The following C2CD5 variants were observed in gnomAD, a reference collection of about 807,000 sequenced individuals.
C2CD5 encodes C2 calcium dependent domain containing 5.
In C2CD5, 109 loss-of-function variants were observed where a neutral mutation model predicts 130.3. The ratio of observed to expected loss-of-function variants is 0.84; its 90% CI spans 0.72 to 0.98. The LOEUF is 0.98. C2CD5 is among the 50% of genes least tolerant of loss of function. The pLI, the probability that C2CD5 is intolerant of heterozygous loss-of-function variation, is 0.00. For synonymous variants in C2CD5, 454 were observed against 429.2 expected, an observed-to-expected ratio of 1.06 and a Z score of -0.71; for missense variants, 996 against 1,261.8, an observed-to-expected ratio of 0.79 and a Z score of 3.19.
chr12:22,515,721 T>C (rs1261661675), intron 8 of C2CD5, among the ~76,000 whole-genome samples: 3 of 152,120 alleles, frequency 2.0e-5, no homozygotes, highest in Non-Finnish European at 4.4e-5. Flanking sequence ...TATATATTAA[T>C]ACTTTTCTTT....
intron 10 of C2CD5, among the ~76,000 whole-genome samples, chr12:22,500,530 T>G (rs1006085472): frequency 3.9e-5 from 6 of 152,188 alleles, no homozygotes; most frequent in Non-Finnish European, 7.3e-5. Flanking sequence ...TCAAGCCTTC[T>G]TCTTTAACTC....
intron 22 of C2CD5, among the ~76,000 whole-genome samples, chr12:22,460,886 T>A (rs561584051): frequency 7.0e-4 from 106 of 152,226 alleles, no homozygotes; most frequent in African/African-American, 2.5e-3. Context: ...GCCCACAGTT[T>A]TCATAAAGCA....
In C2CD5 at chr12:22,472,025, T is replaced by G; in HGVS notation, c.2210A>C (p.Asn737Thr). 1 of 1,608,186 alleles carries G rather than the reference T, an allele frequency of 6.2e-7. No individual in the cohort carries two copies. The highest frequency in any genetic ancestry group is 8.5e-7 in the Non-Finnish European group (1 of 1,175,886). Residue 737 changes from asparagine (N) to threonine (T), a missense_variant, in exon 19 of 27, where the codon AAC becomes ACC. Asn to Thr is a moderately conservative substitution (Grantham distance 65). This residue lies in a region of C2CD5 where 590 missense variants were observed against 631.4 expected (regional missense o/e 0.93). Transcript: ENST00000446597. ...CTTATTGAGAGCTTGATTAGTCAGG[T>G]TGAGGCTGCTTAATCTGATTACTCT... ...SVRVIRLSSL[N>T]LTNQALNKNF...
intron 3 of C2CD5, among the ~76,000 whole-genome samples, chr12:22,528,411 T>C (rs1950920817): frequency 6.6e-6 from 1 of 152,198 alleles, no homozygotes; most frequent in South Asian, 2.1e-4. Flanking sequence ...TTTTATTTAG[T>C]CATTATCGAG....
chr12:22,532,245 G>A (rs1951350882), intron 3 of C2CD5, among the ~76,000 whole-genome samples: 4 of 151,460 alleles, frequency 2.6e-5, no homozygotes, highest in African/African-American at 7.3e-5. Flanking sequence ...CAGGAGAATC[G>A]CTTGAACCTG....
At chr12:22,500,957 T>C (rs1465427828) in intron 10 of C2CD5, among the ~76,000 whole-genome samples, 1 of 152,190 alleles carries the variant, frequency 6.6e-6, no homozygotes, top group Admixed American at 6.5e-5. Flanking sequence ...CCTAACATGG[T>C]TAGTTCTTGA....
At chr12:22,482,782 AC>A in intron 13 of C2CD5, 39 bp from the exon 14 acceptor site, 1 of 1,481,704 alleles carries the variant, frequency 6.7e-7, no homozygotes, top group Non-Finnish European at 9.3e-7. Context: ...TATTCTTGGT[AC>A]CACCTTTAAA....
chr12:22,527,581 G>A (rs936062306), intron 4 of C2CD5, 140 bp downstream of exon 4: 3 of 473,120 alleles, frequency 6.3e-6, no homozygotes, highest in Middle Eastern at 5.8e-4. Flanking sequence ...GCCTCCCAAA[G>A]TGCTGGGATT....
chr12:22,499,517 T>C (rs938883847), intron 10 of C2CD5, among the ~76,000 whole-genome samples: 1 of 152,198 alleles, frequency 6.6e-6, no homozygotes, highest in African/African-American at 2.4e-5. Flanking sequence ...GTACGTGGCA[T>C]GTAATAAGTT....
intron 3 of C2CD5, among the ~76,000 whole-genome samples, chr12:22,528,858 A>G (rs924790444): frequency 3.3e-5 from 5 of 152,114 alleles, no homozygotes; most frequent in African/African-American, 9.7e-5. Flanking sequence ...CCTATCCCCT[A>G]TTTAATTTAT....
At chr12:22,486,031 T>C (rs1945449881) in intron 12 of C2CD5, among the ~76,000 whole-genome samples, 1 of 152,140 alleles carries the variant, frequency 6.6e-6, no homozygotes, top group African/African-American at 2.4e-5. Context: ...AAAGTTATTA[T>C]ACTTAAGTCC....
chr12:22,485,783 C>T (rs1310580407), intron 12 of C2CD5, among the ~76,000 whole-genome samples: 1 of 151,928 alleles, frequency 6.6e-6, no homozygotes. Context: ...TAGTGGTATA[C>T]ATAAGGCATA....
At chr12:22,514,656 G>A (rs547744319) in intron 8 of C2CD5, among the ~76,000 whole-genome samples, 1 of 152,182 alleles carries the variant, frequency 6.6e-6, no homozygotes, top group South Asian at 2.1e-4. Context: ...CAATGTGAAT[G>A]GAGTTGGTAT....
intron 2 of C2CD5, among the ~76,000 whole-genome samples, chr12:22,539,933 A>C (rs569177936): frequency 1.7e-4 from 25 of 150,992 alleles, no homozygotes; most frequent in African/African-American, 6.1e-4. Flanking sequence ...CAGAGTTTAC[A>C]GTGAGCTGAG....
intron 9 of C2CD5, among the ~76,000 whole-genome samples, chr12:22,507,271 T>C (rs925945478): frequency 2.0e-5 from 3 of 152,110 alleles, no homozygotes; most frequent in Non-Finnish European, 4.4e-5. Context: ...GGGATCTAAA[T>C]GAAAGTGGGA....
At chr12:22,484,517 T>C in intron 13 of C2CD5, 180 bp downstream of exon 13, 3 of 411,814 alleles carry the variant, frequency 7.3e-6, no homozygotes, top group Non-Finnish European at 1.3e-5. Context: ...CAAACTTATT[T>C]GAGTTTTACA....
intron 3 of C2CD5, among the ~76,000 whole-genome samples, chr12:22,528,477 T>G (rs1038603933): frequency 6.6e-5 from 10 of 152,320 alleles, no homozygotes; most frequent in Non-Finnish European, 1.5e-4. Context: ...TGGAGAACAG[T>G]GCAAAATGAT....
chr12:22,457,085 G>T lies in C2CD5; in HGVS notation c.2763C>A (p.Ser921=). 1 of 1,612,966 alleles carries T rather than the reference G, an allele frequency of 6.2e-7. No homozygotes were observed. The highest frequency in any genetic ancestry group is 2.2e-5 in the East Asian group (1 of 44,788). The change falls in exon 25 of 27, where the codon TCC becomes TCA. Residue 921 remains serine (S), a synonymous_variant. Coordinates refer to ENST00000446597, the MANE Select transcript of C2CD5 (RefSeq NM_001286176.2). The part of the protein sequence containing the change: ...RNRSAPPCAN[S]TVGVVKMTPL... ...GTGTCATCTTAACAACCCCAACTGT[G>T]GAATTTGCACAAGGTGGAGCAGAAC...
chr12:22,486,623 T>C (rs1232847900), intron 12 of C2CD5, among the ~76,000 whole-genome samples: 4 of 152,208 alleles, frequency 2.6e-5, no homozygotes, highest in Non-Finnish European at 1.5e-5. Context: ...ATTAAACATC[T>C]GCTCTCTAAC....
Sources: allele counts gnomAD v4.1 joint callset (sites outside exome capture counted in the v4.1 genomes callset), GRCh38; gene constraint gnomAD v4.1.1; regional missense constraint gnomAD v4.1.1; transcripts MANE v1.5; gene names NCBI Gene and HGNC (gene_info 2026-07-23, HGNC 2026-07-21).